IL1RAPL2: variants seen among roughly 807,000 people sequenced by gnomAD.
The protein encoded by IL1RAPL2 is interleukin 1 receptor accessory protein like 2.
Under a neutral mutation model 44.1 loss-of-function variants are expected in IL1RAPL2, and 3 were observed. That is an observed-to-expected ratio of 0.07 (90% CI 0.03 to 0.18). The LOEUF (loss-of-function observed/expected upper bound fraction) is 0.18, where lower values mean the gene tolerates loss of function less well. IL1RAPL2 is among the 10% of genes least tolerant of loss of function. The pLI is 1.00. For missense variants in IL1RAPL2, 391 were observed against 496.4 expected, an observed-to-expected ratio of 0.79 and a Z score of 2.02; for synonymous variants, 181 against 178.8, an observed-to-expected ratio of 1.01 and a Z score of -0.10.
At chrX:105,078,011 G>A (rs2032337250) in intron 2 of IL1RAPL2, among the ~76,000 whole-genome samples, 1 of 110,868 alleles carries the variant, frequency 9.0e-6, no homozygotes, top group Non-Finnish European at 1.9e-5. Context: ...GGAGTAGTTT[G>A]ATCTTCTGGA....
intron 6 of IL1RAPL2, among the ~76,000 whole-genome samples, chrX:105,525,430 T>C (rs940494032): frequency 2.7e-5 from 3 of 111,667 alleles, no homozygotes; most frequent in African/African-American, 9.7e-5. Flanking sequence ...ATATAATGAA[T>C]GTCCAAATAT....
At chrX:104,703,223 G>A (rs774199205) in intron 2 of IL1RAPL2, among the ~76,000 whole-genome samples, 5 of 111,223 alleles carry the variant, frequency 4.5e-5, no homozygotes, top group African/African-American at 1.3e-4. Context: ...ATCCAGTGCC[G>A]TCCTTCAAAC....
At chrX:105,649,877 AAGG>A (rs1490333676) in intron 6 of IL1RAPL2, among the ~76,000 whole-genome samples, 9 of 111,792 alleles carry the variant, frequency 8.1e-5, no homozygotes, top group African/African-American at 2.9e-4. Flanking sequence ...TTGTCTTCCC[AAGG>A]AGGAGAGAAA....
chrX:105,501,912 G>A (rs12116055), intron 6 of IL1RAPL2, among the ~76,000 whole-genome samples: 3,311 of 111,311 alleles, frequency 0.03, 125 homozygotes, highest in African/African-American at 0.1. Context: ...AGAAAGTAGC[G>A]CACATTACTT....
chrX:105,590,094 C>T (rs1266507254), intron 6 of IL1RAPL2, among the ~76,000 whole-genome samples: 2 of 111,391 alleles, frequency 1.8e-5, no homozygotes, highest in African/African-American at 6.5e-5. Context: ...TATTTTGACT[C>T]TCTAGTTAGC....
intron 5 of IL1RAPL2, among the ~76,000 whole-genome samples, chrX:105,395,239 G>T (rs1218276939): frequency 1.8e-5 from 2 of 110,223 alleles, no homozygotes; most frequent in African/African-American, 6.6e-5. Flanking sequence ...TATATATATA[G>T]GCTTTATTCA....
chrX:105,053,424 C>T (rs927143656), intron 2 of IL1RAPL2, among the ~76,000 whole-genome samples: 1 of 111,387 alleles, frequency 9.0e-6, no homozygotes. Flanking sequence ...GTGTCACTTA[C>T]ATTGTGTCAT....
At chrX:105,529,865 A>G (rs2036620581) in intron 6 of IL1RAPL2, among the ~76,000 whole-genome samples, 1 of 112,293 alleles carries the variant, frequency 8.9e-6, no homozygotes, top group African/African-American at 3.2e-5. Context: ...AGGTTCATCC[A>G]CATTGCAGCA....
intron 1 of IL1RAPL2, among the ~76,000 whole-genome samples, chrX:104,604,884 C>T (rs1346122093): frequency 2.7e-5 from 3 of 110,685 alleles, no homozygotes; most frequent in East Asian, 2.8e-4. Flanking sequence ...CTTTAACACC[C>T]CACTGTCAAT....
intron 4 of IL1RAPL2, among the ~76,000 whole-genome samples, chrX:105,235,114 C>T (rs114369333): frequency 0.024 from 2,733 of 111,757 alleles, 79 homozygotes; most frequent in African/African-American, 0.083. Flanking sequence ...CTCATTCAAA[C>T]TGAAACAGAA....
chrX:105,113,294 T>G (rs978670639), intron 2 of IL1RAPL2, among the ~76,000 whole-genome samples: 2 of 112,422 alleles, frequency 1.8e-5, no homozygotes, highest in Non-Finnish European at 3.8e-5. Flanking sequence ...CACTCTTCTA[T>G]GCAGCGCATG....
chrX:105,172,992 C>T (rs1212314833), intron 2 of IL1RAPL2, among the ~76,000 whole-genome samples: 2 of 110,519 alleles, frequency 1.8e-5, no homozygotes, highest in African/African-American at 3.3e-5. Flanking sequence ...GATGGGCATA[C>T]CCTGTTAATG....
chrX:104,799,130 G>A (rs930467836), intron 2 of IL1RAPL2, among the ~76,000 whole-genome samples: 6 of 110,691 alleles, frequency 5.4e-5, no homozygotes, highest in East Asian at 2.9e-4. Context: ...TAAGTTACTC[G>A]CCTAAGATTA....
intron 5 of IL1RAPL2, among the ~76,000 whole-genome samples, 174 bp downstream of exon 5, chrX:105,267,715 A>G (rs892968668): frequency 3.6e-5 from 4 of 111,650 alleles, no homozygotes; most frequent in Non-Finnish European, 7.5e-5. Context: ...AATATATGGA[A>G]TATGAAAAAA....
chrX:105,665,744 T>G (rs1418104607), intron 6 of IL1RAPL2, among the ~76,000 whole-genome samples: 25 of 91,756 alleles, frequency 2.7e-4, no homozygotes, highest in Middle Eastern at 5.8e-3. Flanking sequence ...GTTTTTTTGT[T>G]TTTTTTTTTT....
At chrX:105,426,020 T>G (rs960191015) in intron 5 of IL1RAPL2, among the ~76,000 whole-genome samples, 2 of 109,188 alleles carry the variant, frequency 1.8e-5, no homozygotes, top group African/African-American at 6.6e-5. Context: ...TTTTCTGTTT[T>G]TTTTTTTTTT....
intron 2 of IL1RAPL2, among the ~76,000 whole-genome samples, chrX:105,051,947 T>G (rs2031933016): frequency 8.9e-6 from 1 of 112,342 alleles, no homozygotes; most frequent in Admixed American, 9.4e-5. Flanking sequence ...TATACCTATG[T>G]AAAAAACCTG....
At chrX:104,786,718 AAAT>A (rs1273138034) in intron 2 of IL1RAPL2, among the ~76,000 whole-genome samples, 1 of 111,908 alleles carries the variant, frequency 8.9e-6, no homozygotes, top group African/African-American at 3.2e-5. Flanking sequence ...AATAGATTAA[AAAT>A]ACAGTAGCTA....
chrX:105,423,336 C>T (rs2035786022), intron 5 of IL1RAPL2, among the ~76,000 whole-genome samples: 1 of 111,708 alleles, frequency 9.0e-6, no homozygotes, highest in Non-Finnish European at 1.9e-5. Flanking sequence ...AAAGTTAGAA[C>T]ACATGATATC....
Sources: gnomAD v4.1 joint callset for allele counts (sites outside exome capture counted in the v4.1 genomes callset) on GRCh38, gnomAD v4.1.1 for gene constraint, MANE v1.5 for transcripts, NCBI Gene and HGNC (gene_info 2026-07-23, HGNC 2026-07-21) for gene names.